AGBL1: variants seen among roughly 807,000 people sequenced by gnomAD.
AGBL1 encodes cytosolic carboxypeptidase 4.
AGBL1 carries 130 observed loss-of-function variants against 118.9 expected under a neutral mutation model. The observed-to-expected ratio is 1.09, with a 90% CI of 0.95 to 1.26. The LOEUF is 1.26. Among genes scored for constraint, AGBL1 ranks in the 50% most tolerant of loss-of-function variants. AGBL1 has a pLI of 0.00. For missense variants in AGBL1, 1,584 were observed against 1,298.1 expected (o/e 1.22, Z -3.38); for synonymous variants, 555 against 478.9 (o/e 1.16, Z -2.08).
In AGBL1 at chr15:86,911,166, TG is replaced by T. The variant is rs1170198086; in HGVS notation, c.*3876del. On this transcript the variant is annotated 3_prime_UTR_variant, in exon 23 of 23. Coordinates refer to ENST00000614907, the MANE Select transcript of AGBL1 (RefSeq NM_001386094.1). ...AGAGGAGAGTCCAGAGAGGCGATGT[TG>T]GGGCAGGCCAAGTGCATGCTGTCCT... 1 of 152,340 alleles carries T rather than the reference TG, an allele frequency of 6.6e-6. No individual in the cohort carries two copies. Among genetic ancestry groups the T allele is most frequent in the Non-Finnish European group, 1.5e-5 (1 of 68,198 alleles). The allele number at this position is 152,340 out of a possible 1,614,324, so 9.4% of individuals were successfully genotyped here.
At chr15:86,525,638 C>T (rs576689851) in intron 19 of AGBL1, among the ~76,000 whole-genome samples, 8 of 152,044 alleles carry the variant, frequency 5.3e-5, no homozygotes, top group African/African-American at 1.2e-4. Flanking sequence ...CAGTAAATGA[C>T]GCTGGGAAAA....
At chr15:86,382,986 C>T (rs2081132611) in intron 17 of AGBL1, among the ~76,000 whole-genome samples, 1 of 152,122 alleles carries the variant, frequency 6.6e-6, no homozygotes, top group African/African-American at 2.4e-5. Flanking sequence ...AATTTCCTGA[C>T]ACGGTTTCCA....
intron 18 of AGBL1, among the ~76,000 whole-genome samples, chr15:86,425,899 G>C (rs1236897150): frequency 6.6e-6 from 1 of 152,126 alleles, no homozygotes; most frequent in African/African-American, 2.4e-5. Flanking sequence ...ATTGTGGAGA[G>C]ATCTTTGTCC....
At chr15:86,645,672 G>A (rs1271751605) in intron 21 of AGBL1, among the ~76,000 whole-genome samples, 1 of 152,172 alleles carries the variant, frequency 6.6e-6, no homozygotes, top group Non-Finnish European at 1.5e-5. Context: ...AGAGTAGATA[G>A]AAACTACAGT....
At chr15:86,316,027 T>C in intron 17 of AGBL1, among the ~76,000 whole-genome samples, 1 of 152,232 alleles carries the variant, frequency 6.6e-6, no homozygotes, top group East Asian at 1.9e-4. Context: ...TAAAGCACTA[T>C]CTCATTCATT....
rs75205294 is a variant in AGBL1 at position 86,162,642 on chromosome 15, G to T, written c.488+3616G>T. On this transcript the variant is annotated intron_variant, in intron 5 of 22. Coordinates refer to ENST00000614907, the MANE Select transcript of AGBL1 (RefSeq NM_001386094.1). ...ACTTCCTTCCTTCGGCTCCTCATGA[G>T]TCCCATGCTAGTGGGAACAGTTATG... 7.2e-3 allele frequency among the ~76,000 whole-genome samples: 1,100 copies of T among 152,218 alleles called. 10 individuals are homozygous for T. The highest frequency in any genetic ancestry group is 0.025 in the African/African-American group (1,053 of 41,506).
chr15:86,794,093 T>C (rs1850720433), intron 22 of AGBL1, among the ~76,000 whole-genome samples: 1 of 152,142 alleles, frequency 6.6e-6, no homozygotes, highest in African/African-American at 2.4e-5. Context: ...GCAATTCCAC[T>C]CCTAGAAATA....
At chr15:86,719,318 C>G (rs966774502) in intron 22 of AGBL1, among the ~76,000 whole-genome samples, 6 of 152,138 alleles carry the variant, frequency 3.9e-5, no homozygotes, top group African/African-American at 1.4e-4. Context: ...CAGTTTTCTG[C>G]TGCCTCCAAG....
At chr15:86,528,456 T>A (rs1188373924) in intron 19 of AGBL1, among the ~76,000 whole-genome samples, 2 of 151,910 alleles carry the variant, frequency 1.3e-5, no homozygotes, top group Non-Finnish European at 2.9e-5. Flanking sequence ...CGGAGGGTCC[T>A]ACACCCACGG....
At chr15:86,389,712 C>A (rs756794536) in intron 17 of AGBL1, among the ~76,000 whole-genome samples, 139 of 151,784 alleles carry the variant, frequency 9.2e-4, no homozygotes, top group Non-Finnish European at 1.8e-3. Context: ...TTATATTATA[C>A]TATAATAAAT....
chr15:86,416,115 G>A (rs952259831), intron 18 of AGBL1, among the ~76,000 whole-genome samples: 1 of 152,072 alleles, frequency 6.6e-6, no homozygotes, highest in African/African-American at 2.4e-5. Flanking sequence ...GACAGTTCAT[G>A]TATTTCATAA....
chr15:86,115,150 A>T (rs59095620), intron 1 of AGBL1, among the ~76,000 whole-genome samples: 4 of 152,276 alleles, frequency 2.6e-5, no homozygotes, highest in African/African-American at 9.6e-5. Context: ...TTTCCTAAAA[A>T]TATCCCTCTT....
At chr15:86,146,279 A>T (rs1439660158) in intron 3 of AGBL1, among the ~76,000 whole-genome samples, 1 of 152,196 alleles carries the variant, frequency 6.6e-6, no homozygotes, top group Non-Finnish European at 1.5e-5. Context: ...TTTTCTTGTC[A>T]TTATTCCCTA....
chr15:86,190,501 C>A (rs1204551487), intron 5 of AGBL1, among the ~76,000 whole-genome samples: 1 of 151,860 alleles, frequency 6.6e-6, no homozygotes, highest in Non-Finnish European at 1.5e-5. Context: ...TTATTTTTGT[C>A]TGTTTGGTAC....
chr15:86,961,389 C>T (rs2080991144), intron 23 of AGBL1, among the ~76,000 whole-genome samples: 1 of 152,010 alleles, frequency 6.6e-6, no homozygotes, highest in Non-Finnish European at 1.5e-5. Flanking sequence ...ATAATGACAA[C>T]CCTATCACTG....
intron 23 of AGBL1, among the ~76,000 whole-genome samples, chr15:86,984,787 A>G (rs909488363): frequency 6.6e-6 from 1 of 152,140 alleles, no homozygotes; most frequent in Non-Finnish European, 1.5e-5. Flanking sequence ...TAACGGTGTC[A>G]TTAAAAAAAT....
intron 17 of AGBL1, chr15:86,296,583 G>A (rs375715717): frequency 5.6e-4 from 85 of 152,292 alleles, no homozygotes; most frequent in African/African-American, 2.0e-3. Flanking sequence ...TTGGTAGATC[G>A]GAATTATATT....
Position 86,253,452 on chromosome 15 carries a change from T to G in AGBL1, c.736-3401T>G, listed in dbSNP as rs188413710. Among the ~76,000 whole-genome samples the G allele has an allele frequency of 5.9e-5, 9 of 152,174 alleles. No individual in the cohort carries two copies. In the East Asian group the frequency reaches 1.7e-3, roughly 29 times the overall value. ...TTTTAGTAGAGACGGGATTTCACCT[T>G]GTTGGCCAGGCTGGTCTCAAACTCT... On this transcript the variant is annotated intron_variant, in intron 7 of 22. Transcript: ENST00000614907.
chr15:86,962,951 C>A (rs1255267929), intron 23 of AGBL1, among the ~76,000 whole-genome samples: 2 of 152,022 alleles, frequency 1.3e-5, no homozygotes. Context: ...AATTAGAAAA[C>A]ACAAACTAGA....
Sources: gnomAD v4.1 joint callset for allele counts (sites outside exome capture counted in the v4.1 genomes callset) on GRCh38, gnomAD v4.1.1 for gene constraint, MANE v1.5 for transcripts, NCBI Gene and HGNC (gene_info 2026-07-23, HGNC 2026-07-21) for gene names.